Variants in C4orf50 observed in about 807,000 individuals in gnomAD.
C4orf50 encodes chromosome 4 open reading frame 50.
In C4orf50, 80 loss-of-function variants were observed where a neutral mutation model predicts 77.2. The observed-to-expected ratio is 1.04, with a 90% CI of 0.87 to 1.25. C4orf50 has a LOEUF of 1.25. C4orf50 is among the 50% of genes most tolerant of loss of function. C4orf50 has a pLI of 0.00. For synonymous variants in C4orf50, 532 were observed against 465.3 expected (o/e 1.14, Z -1.84); for missense variants, 1,257 against 1,152.9 (o/e 1.09, Z -1.31).
intron 28 of C4orf50, among the ~76,000 whole-genome samples, chr4:5,988,138 G>C (rs560800135): frequency 6.6e-6 from 1 of 152,198 alleles, no homozygotes; most frequent in Non-Finnish European, 1.5e-5. Flanking sequence ...GAGCACCCAG[G>C]TGTGAGTCCC....
chr4:6,010,983 T>G (rs1694193764), intron 24 of C4orf50, among the ~76,000 whole-genome samples: 1 of 152,182 alleles, frequency 6.6e-6, no homozygotes, highest in Non-Finnish European at 1.5e-5. Flanking sequence ...CCAGAGAGGT[T>G]AAGTCACTTG....
In C4orf50 at chr4:5,958,275, A is replaced by T. The variant is rs923501923; in HGVS notation, c.*1100T>A. Reference sequence around the variant, plus strand: ...CTGGGTCGCCCACCTGATTCGGGGCACGAGTCTCTGTTCTCGGTGGAAGGA... The same window carrying T: ...CTGGGTCGCCCACCTGATTCGGGGCTCGAGTCTCTGTTCTCGGTGGAAGGA... On this transcript the variant is annotated 3_prime_UTR_variant, in exon 34 of 34. Coordinates refer to ENST00000531445, the Ensembl canonical transcript of C4orf50. This position sits in a 1 kb window ranked among gnomAD's most constrained non-coding sequence, Gnocchi z 5.4. 3 of 150,098 alleles carry T rather than the reference A, an allele frequency of 2.0e-5. No homozygotes were observed. Among genetic ancestry groups the T allele is most frequent in the Non-Finnish European group, 4.4e-5 (3 of 67,602 alleles). The allele number at this position is 150,098 out of a possible 1,614,324, so 9.3% of individuals were successfully genotyped here. A position where few individuals can be genotyped will look rare whatever the true frequency, so the allele number is the denominator to read the frequency against.
In C4orf50 at chr4:6,007,995, C is replaced by T. The variant is rs573377680; in HGVS notation, c.963+1G>A. The stretch of plus-strand genomic sequence containing the variant: ...TCCTACCCTGAGTTCCCGCCACTTA[C>T]CAGGCTGCAGTGACCAATAGGGGCC... On this transcript the variant is annotated splice_donor_variant, in intron 25 of 33. Coordinates refer to ENST00000531445, the Ensembl canonical transcript of C4orf50. LOFTEE classifies it high-confidence loss of function. This position sits in a 1 kb window ranked among gnomAD's most constrained non-coding sequence, Gnocchi z 4.1. 2.2e-4 allele frequency: 89 copies of T among 399,158 alleles called. No individual in the cohort carries two copies. In the East Asian group the frequency reaches 2.9e-3, roughly 13 times the overall value. 24.7% of individuals were successfully genotyped at this position (399,158 alleles called of 1,614,324 possible).
In C4orf50 at chr4:5,970,796, C is replaced by A. The variant is rs1184500651; in HGVS notation, c.4104+2863G>T. ...GTGGCCTCAGCCCAAGGCCCAGCCC[C>A]CACCCCCTCAACAGCCCTGGGACAT... On this transcript the variant is annotated intron_variant, in intron 31 of 33. Coordinates refer to ENST00000531445, the Ensembl canonical transcript of C4orf50. This position sits in a 1 kb window ranked among gnomAD's most constrained non-coding sequence, Gnocchi z 4.3. 1.3e-5 allele frequency among the ~76,000 whole-genome samples: 2 copies of A among 152,194 alleles called. No individual in the cohort carries two copies. The highest frequency in any genetic ancestry group is 6.5e-5 in the Admixed American group (1 of 15,292).
At chr4:5,923,337 T>C (rs919281812) in intron 7 of C4orf50, 1 of 154,272 alleles carries the variant, frequency 6.5e-6, no homozygotes, top group Non-Finnish European at 1.5e-5. Flanking sequence ...GTGATGGCAA[T>C]GAGCCCTGAG....
chr4:5,925,866 G>A (rs984316124), intron 7 of C4orf50, among the ~76,000 whole-genome samples: 1 of 152,180 alleles, frequency 6.6e-6, no homozygotes, highest in East Asian at 1.9e-4. Flanking sequence ...TGGGAAGGGG[G>A]TCTTAAGGAC....
At chr4:5,988,533 A>G in exon 28 of C4orf50, 1 of 1,537,510 alleles carries the variant, frequency 6.5e-7, no homozygotes, top group Non-Finnish European at 8.7e-7. Context: ...CGCGTCTGGA[A>G]TTCCCGGTGC....
In C4orf50 at chr4:5,900,568, T is replaced by C. The variant is rs959123939; in HGVS notation, c.*2475-2380A>G. On this transcript the variant is annotated intron_variant, in intron 7 of 7. Transcript: ENST00000324058. This position sits in a 1 kb window ranked among gnomAD's most constrained non-coding sequence, Gnocchi z 4.3. ...TATCACTAGATGATGCCATATAGATTGCAACCCAGTAGAAAACTAATTGCA... is the reference window on the plus strand; with the variant it reads ...TATCACTAGATGATGCCATATAGATCGCAACCCAGTAGAAAACTAATTGCA... The C allele has an allele frequency of 2.0e-5, 3 of 152,224 alleles. No individual in the cohort carries two copies. Among genetic ancestry groups the C allele is most frequent in the Non-Finnish European group, 2.9e-5 (2 of 68,048 alleles). The allele number at this position is 152,224 out of a possible 1,614,324, so 9.4% of individuals were successfully genotyped here. A position where few individuals can be genotyped will look rare whatever the true frequency, so the allele number is the denominator to read the frequency against.
In C4orf50 at chr4:5,901,285, T is replaced by C. The variant is rs993767106; in HGVS notation, c.*2475-3097A>G. 2.0e-5 allele frequency: 3 copies of C among 152,266 alleles called. No homozygotes were observed. Among genetic ancestry groups the C allele is most frequent in the Non-Finnish European group, 2.9e-5 (2 of 68,046 alleles). The allele number at this position is 152,266 out of a possible 1,614,324, so 9.4% of individuals were successfully genotyped here. A position where few individuals can be genotyped will look rare whatever the true frequency, so the allele number is the denominator to read the frequency against. ...ATATTAATGACATGAGTAAAGTATA[T>C]GCACAACATGTAATTCTGCAAAATG... On this transcript the variant is annotated intron_variant, in intron 7 of 7. Coordinates refer to the C4orf50 transcript ENST00000324058. The surrounding 1 kb of genome is among the most constrained non-coding windows in gnomAD (Gnocchi z 4.4).
At chr4:5,963,000 CTTTTTTTT>C (rs370272649) in intron 33 of C4orf50, among the ~76,000 whole-genome samples, 3,088 of 146,114 alleles carry the variant, frequency 0.021, 88 homozygotes, top group African/African-American at 0.052. Flanking sequence ...TTTTTCTTTT[CTTTTTTTT>C]TTTTTTTTTT....
rs1251773783 is a variant in C4orf50, at chr4:6,018,434, C to CA, written c.-4dup. Reference sequence around the variant, plus strand: ...CGTCCCTTGGCTGTTGGCTCCATCTCAGAAATATTTCATGGGGCAAGACTT... The same window carrying CA: ...CGTCCCTTGGCTGTTGGCTCCATCTCAAGAAATATTTCATGGGGCAAGACTT... On this transcript the variant is annotated 5_prime_UTR_variant, in exon 23 of 34. Coordinates refer to ENST00000531445, the Ensembl canonical transcript of C4orf50. This position sits in a 1 kb window ranked among gnomAD's most constrained non-coding sequence, Gnocchi z 5.1. 1.5e-5 allele frequency: 6 copies of CA among 398,884 alleles called. No homozygotes were observed. Among genetic ancestry groups the CA allele is most frequent in the Non-Finnish European group, 2.7e-5 (6 of 226,088 alleles). 24.7% of individuals were successfully genotyped at this position (398,884 alleles called of 1,614,324 possible).
chr4:5,982,906 A>C (rs1435421004), intron 28 of C4orf50, among the ~76,000 whole-genome samples: 1 of 152,080 alleles, frequency 6.6e-6, no homozygotes, highest in Non-Finnish European at 1.5e-5. Context: ...GGCAGCATGG[A>C]GTGTGGAGGC....
Position 5,973,850 on chromosome 4 carries a change from G to T in C4orf50, c.3922-9C>A, listed in dbSNP as rs781280145. ...AGGGAAGCTATCTTGGCCTGAAAGG[G>T]AGGGAGGCCATGGATGCAGAGCTCC... is the stretch of plus-strand genomic sequence containing the variant. On this transcript the variant is annotated splice_polypyrimidine_tract_variant and intron_variant, in intron 30 of 33. Coordinates refer to ENST00000531445, the Ensembl canonical transcript of C4orf50. 442 of 1,602,296 alleles carry T rather than the reference G, an allele frequency of 2.8e-4. No homozygotes were observed. Among genetic ancestry groups the T allele is most frequent in the Non-Finnish European group, 2.8e-4 (326 of 1,172,906 alleles).
rs935085239 is a variant in C4orf50, at chr4:6,018,344, C to T, written c.88G>A (p.Val30Ile). ...CAGGATGTGTCAATCTTCACATCAA[C>T]GTTCATTATGTCGAACCCCTCACTG... The change falls in exon 23 of 34, where the codon GTT becomes ATT. Residue 30 changes from valine (V) to isoleucine (I), a missense_variant. By Grantham distance (29) the Val-to-Ile change is conservative. Coordinates refer to ENST00000531445, the Ensembl canonical transcript of C4orf50. This position sits in a 1 kb window ranked among gnomAD's most constrained non-coding sequence, Gnocchi z 5.1. 3.0e-5 allele frequency: 12 copies of T among 398,908 alleles called. No individual in the cohort carries two copies. The highest frequency in any genetic ancestry group is 4.0e-5 in the Non-Finnish European group (9 of 226,082). The allele number at this position is 398,908 out of a possible 1,614,324, so 24.7% of individuals were successfully genotyped here.
intron 23 of C4orf50, among the ~76,000 whole-genome samples, chr4:6,012,452 C>T (rs1722530095): frequency 6.6e-6 from 1 of 152,188 alleles, no homozygotes; most frequent in African/African-American, 2.4e-5. Flanking sequence ...GCATTGTCAG[C>T]CTCTGCTCTG....
Position 5,919,111 on chromosome 4 carries a change from C to T in C4orf50, c.*2475-20923G>A, listed in dbSNP as rs1159440740. Among the ~76,000 whole-genome samples, 1 of 152,154 alleles carries T rather than the reference C, an allele frequency of 6.6e-6. No homozygotes were observed. The highest frequency in any genetic ancestry group is 2.4e-5 in the African/African-American group (1 of 41,454). ...GTGGCTCCCTCTTTCCCAGGTGGGA[C>T]ATTGCTAGTGAGCGGTAGCGGGGAA... is the stretch of plus-strand genomic sequence containing the variant. On this transcript the variant is annotated intron_variant, in intron 7 of 7. Coordinates refer to the C4orf50 transcript ENST00000324058. This position sits in a 1 kb window ranked among gnomAD's most constrained non-coding sequence, Gnocchi z 6.5.
In C4orf50 at chr4:5,967,612, G is replaced by C. The variant is rs114608667; in HGVS notation, c.4105-150C>G. On this transcript the variant is annotated intron_variant, in intron 31 of 33. Coordinates refer to ENST00000531445, the Ensembl canonical transcript of C4orf50. ...GACCAACCCTGCCTGTGTGCATGAA[G>C]ACCTCCCTCCTCTTCTCTCCAGGAT... 8.7e-3 allele frequency: 5,926 copies of C among 678,590 alleles called. 217 individuals carry two copies. The highest frequency in any genetic ancestry group is 0.08 in the African/African-American group (4,564 of 56,968). The allele number at this position is 678,590 out of a possible 1,614,324, so 42.0% of individuals were successfully genotyped here.
chr4:5,967,564 G>T (rs1437588844), intron 31 of C4orf50, 102 bp from the exon 10 acceptor site: 6 of 1,018,134 alleles, frequency 5.9e-6, no homozygotes, highest in Non-Finnish European at 9.3e-6. Context: ...ACCCCTCCCC[G>T]CAAAAAACCG....
intron 7 of C4orf50, chr4:5,898,795 A>G (rs1156605711): frequency 6.6e-6 from 1 of 152,236 alleles, no homozygotes; most frequent in Non-Finnish European, 1.5e-5. Context: ...TAAAGGGATC[A>G]TCAGCCCATG....
Sources: allele counts gnomAD v4.1 joint callset (sites outside exome capture counted in the v4.1 genomes callset), GRCh38; gene constraint gnomAD v4.1.1; non-coding constraint Gnocchi (gnomAD v3.1); transcripts MANE v1.5; gene names NCBI Gene and HGNC (gene_info 2026-07-23, HGNC 2026-07-21).